Variants in PALM2AKAP2 observed in about 807,000 individuals in gnomAD.
The protein encoded by PALM2AKAP2 is PALM2 and AKAP2 fusion.
PALM2AKAP2 carries 37 observed loss-of-function variants against 71.5 expected under a neutral mutation model. The ratio of observed to expected loss-of-function variants is 0.52; its 90% CI spans 0.40 to 0.68. The LOEUF (loss-of-function observed/expected upper bound fraction) is 0.68, where lower values mean the gene tolerates loss of function less well. Among genes scored for constraint, PALM2AKAP2 ranks in the 30% least tolerant of loss-of-function variants. PALM2AKAP2 has a pLI of 0.00. For synonymous variants in PALM2AKAP2, 468 were observed against 478.8 expected, an observed-to-expected ratio of 0.98 and a Z score of 0.29; for missense variants, 1,224 against 1,191.8, an observed-to-expected ratio of 1.03 and a Z score of -0.40.
intron 2 of PALM2AKAP2, among the ~76,000 whole-genome samples, chr9:110,146,500 C>T (rs1836174628): frequency 6.6e-6 from 1 of 152,166 alleles, no homozygotes; most frequent in Admixed American, 6.5e-5. Context: ...AGGAATCAGA[C>T]TCAGCCATGC....
At chr9:110,150,609 T>A (rs1836286828) in intron 2 of PALM2AKAP2, among the ~76,000 whole-genome samples, 2 of 152,334 alleles carry the variant, frequency 1.3e-5, no homozygotes, top group South Asian at 2.1e-4. Flanking sequence ...TCTTTTTACC[T>A]CTAAAGCAAC....
chr9:110,088,703 G>GTTTTGTTTTTTT (rs1834628901), intron 1 of PALM2AKAP2, among the ~76,000 whole-genome samples: 2 of 75,634 alleles, frequency 2.6e-5, no homozygotes, highest in Admixed American at 1.9e-4. Context: ...GCATTTACGT[G>GTTTTGTTTTTTT]TTTTTTTTTT....
chr9:109,851,440 A>T (rs1564179848), intron 1 of PALM2AKAP2, among the ~76,000 whole-genome samples: 1 of 152,162 alleles, frequency 6.6e-6, no homozygotes, highest in Non-Finnish European at 1.5e-5. Context: ...AGACATTAGA[A>T]ATAATGGGGT....
intron 1 of PALM2AKAP2, among the ~76,000 whole-genome samples, chr9:109,730,278 A>G (rs1370309388): frequency 6.6e-6 from 1 of 152,248 alleles, no homozygotes; most frequent in African/African-American, 2.4e-5. Context: ...CTTCACAATA[A>G]AAGTGCAAAC....
intron 1 of PALM2AKAP2, among the ~76,000 whole-genome samples, chr9:109,837,984 G>A (rs1165651731): frequency 1.3e-5 from 2 of 152,154 alleles, no homozygotes; most frequent in Admixed American, 6.6e-5. Flanking sequence ...CAGAAAGTTA[G>A]CAAGGATATC....
chr9:109,798,367 AC>A (rs564019544), intron 1 of PALM2AKAP2, among the ~76,000 whole-genome samples: 200 of 152,246 alleles, frequency 1.3e-3, no homozygotes, highest in African/African-American at 4.6e-3. Flanking sequence ...GGTCAAGCGT[AC>A]CCTACTCTGC....
intron 1 of PALM2AKAP2, among the ~76,000 whole-genome samples, chr9:109,724,276 G>T (rs1477702405): frequency 1.3e-5 from 2 of 152,286 alleles, no homozygotes; most frequent in East Asian, 3.9e-4. Flanking sequence ...ATGTTCTTGG[G>T]CAGGAAGTCT....
At chr9:109,706,181 G>A (rs752291112) in intron 1 of PALM2AKAP2, among the ~76,000 whole-genome samples, 58 of 152,120 alleles carry the variant, frequency 3.8e-4, no homozygotes, top group Admixed American at 3.9e-4. Context: ...ATGTAATTAT[G>A]AACTAAAAAG....
intron 7 of PALM2AKAP2, among the ~76,000 whole-genome samples, chr9:110,032,561 C>T (rs1166466356): frequency 1.3e-5 from 2 of 151,536 alleles, no homozygotes; most frequent in South Asian, 2.1e-4. Flanking sequence ...CATGGTGGCG[C>T]GTGCCTGTAG....
At chr9:109,823,613 C>G (rs1278571896) in intron 1 of PALM2AKAP2, among the ~76,000 whole-genome samples, 4 of 152,146 alleles carry the variant, frequency 2.6e-5, no homozygotes, top group Non-Finnish European at 5.9e-5. Flanking sequence ...ACAGAAGAAC[C>G]TTCTCCCAAT....
At chr9:109,915,950 CTT>C (rs896373058) in intron 3 of PALM2AKAP2, among the ~76,000 whole-genome samples, 1 of 145,620 alleles carries the variant, frequency 6.9e-6, no homozygotes, top group Non-Finnish European at 1.5e-5. Context: ...TATTGGCTTG[CTT>C]TTTTTTTTTG....
Position 109,997,320 on chromosome 9 carries a change from T to A in PALM2AKAP2, c.497-18634T>A, listed in dbSNP as rs554932095. On this transcript the variant is annotated intron_variant, in intron 6 of 9. Transcript: ENST00000302798. ...CATCTGCAGAGCGGGGATAATATTG[T>A]GTCTACCTCATCATGTTGTATGAGG... is the stretch of plus-strand genomic sequence containing the variant. 1.2e-4 allele frequency among the ~76,000 whole-genome samples: 19 copies of A among 152,350 alleles called. No homozygotes were observed. In the East Asian group the frequency reaches 2.1e-3, roughly 17 times the overall value.
intron 1 of PALM2AKAP2, among the ~76,000 whole-genome samples, chr9:109,836,067 G>A (rs1050944469): frequency 6.6e-5 from 10 of 152,150 alleles, no homozygotes; most frequent in South Asian, 2.1e-4. Flanking sequence ...ATCTGAGAAC[G>A]GTCAGTCTGC....
chr9:110,150,706 T>A (rs1836289412), intron 2 of PALM2AKAP2, among the ~76,000 whole-genome samples: 1 of 152,244 alleles, frequency 6.6e-6, no homozygotes, highest in Non-Finnish European at 1.5e-5. Flanking sequence ...ATAGTGTTCA[T>A]CTTATGCTGA....
intron 3 of PALM2AKAP2, among the ~76,000 whole-genome samples, chr9:109,897,150 G>A (rs79510890): frequency 0.059 from 8,913 of 152,154 alleles, 373 homozygotes; most frequent in Admixed American, 0.12. Context: ...TCTTCCCTTC[G>A]TCACTTATGT....
chr9:109,903,960 C>T (rs985995366), intron 3 of PALM2AKAP2, among the ~76,000 whole-genome samples: 1 of 152,170 alleles, frequency 6.6e-6, no homozygotes, highest in Admixed American at 6.5e-5. Flanking sequence ...TACAGATATT[C>T]CTGAATATTG....
intron 7 of PALM2AKAP2, among the ~76,000 whole-genome samples, chr9:110,033,973 A>C (rs543311350): frequency 2.0e-5 from 3 of 152,196 alleles, no homozygotes; most frequent in Non-Finnish European, 4.4e-5. Flanking sequence ...AAAGACTAGG[A>C]ATCTGAGGCA....
At chr9:109,917,057 GTA>G (rs1830710472) in intron 3 of PALM2AKAP2, among the ~76,000 whole-genome samples, 1 of 152,194 alleles carries the variant, frequency 6.6e-6, no homozygotes, top group African/African-American at 2.4e-5. Context: ...GATTATCTGG[GTA>G]CACTTTGTAT....
At chr9:109,689,200 C>CTTTT (rs200092612) in intron 1 of PALM2AKAP2, among the ~76,000 whole-genome samples, 5 of 134,132 alleles carry the variant, frequency 3.7e-5, no homozygotes, top group Non-Finnish European at 6.3e-5. Flanking sequence ...TTTTTCTTTT[C>CTTTT]TTTTTTTTTT....
Sources: allele counts gnomAD v4.1 joint callset (sites outside exome capture counted in the v4.1 genomes callset), GRCh38; gene constraint gnomAD v4.1.1; transcripts MANE v1.5; gene names NCBI Gene and HGNC (gene_info 2026-07-23, HGNC 2026-07-21).